Variants in SNTG2 observed in about 807,000 individuals in gnomAD.
SNTG2 encodes gamma-2-syntrophin.
A neutral mutation model predicts 70.9 loss-of-function variants in SNTG2; 74 were observed. The ratio of observed to expected loss-of-function variants is 1.04; its 90% CI spans 0.86 to 1.27. The LOEUF (loss-of-function observed/expected upper bound fraction) is 1.27, where lower values mean the gene tolerates loss of function less well. Among genes scored for constraint, SNTG2 ranks in the 50% most tolerant of loss-of-function variants. The pLI, the probability that SNTG2 is intolerant of heterozygous loss-of-function variation, is 0.00. For synonymous variants in SNTG2, 278 were observed against 273.8 expected, an observed-to-expected ratio of 1.02 and a Z score of -0.15; for missense variants, 717 against 690.7, an observed-to-expected ratio of 1.04 and a Z score of -0.43.
At chr2:962,167 C>T (rs2147946661) in intron 1 of SNTG2, among the ~76,000 whole-genome samples, 1 of 152,304 alleles carries the variant, frequency 6.6e-6, no homozygotes, top group East Asian at 1.9e-4. Context: ...CCAAACACCT[C>T]AGCTCAAGCA....
At chr2:1,011,680 C>CT (rs112242963) in intron 1 of SNTG2, among the ~76,000 whole-genome samples, 5 of 151,740 alleles carry the variant, frequency 3.3e-5, no homozygotes, top group South Asian at 2.1e-4. Flanking sequence ...TAATTGCAGG[C>CT]TTTTTTTGTT....
At chr2:1,149,630 T>C (rs1303015621) in intron 6 of SNTG2, among the ~76,000 whole-genome samples, 1 of 151,958 alleles carries the variant, frequency 6.6e-6, no homozygotes, top group African/African-American at 2.4e-5. Flanking sequence ...GGTGGTAACA[T>C]TATTCCTACC....
At chr2:1,077,835 C>G (rs1360008217) in intron 1 of SNTG2, among the ~76,000 whole-genome samples, 1 of 152,162 alleles carries the variant, frequency 6.6e-6, no homozygotes, top group African/African-American at 2.4e-5. Context: ...CTACATTGAG[C>G]AGTAGTCTGA....
At chr2:1,277,120 A>G (rs1679299628) in intron 14 of SNTG2, among the ~76,000 whole-genome samples, 1 of 152,200 alleles carries the variant, frequency 6.6e-6, no homozygotes, top group Non-Finnish European at 1.5e-5. Flanking sequence ...CTGAAATGAT[A>G]AAAAACATTT....
At position 1,323,759 on chromosome 2, in the gene SNTG2, A is replaced by G. The variant is rs185604521; in HGVS notation, c.1488+7384A>G. Among the ~76,000 whole-genome samples the G allele has an allele frequency of 1.7e-3, 258 of 151,286 alleles. 3 individuals are homozygous for G. Among genetic ancestry groups the G allele is most frequent in the African/African-American group, 6.0e-3 (248 of 41,092 alleles). ...CACCCAGTAGTGTGGGACATGGCTA[A>G]CAGTCACATGGCTGAGACCCCCTAG... On this transcript the variant is annotated intron_variant, in intron 16 of 16. Transcript: ENST00000308624.
chr2:1,358,855 A>C (rs962955857), intron 16 of SNTG2, among the ~76,000 whole-genome samples: 9 of 152,126 alleles, frequency 5.9e-5, no homozygotes, highest in African/African-American at 1.9e-4. Context: ...ATACCTGTTC[A>C]GTCTATAGTG....
At chr2:1,228,613 C>T (rs1053262873) in intron 9 of SNTG2, among the ~76,000 whole-genome samples, 16 of 152,184 alleles carry the variant, frequency 1.1e-4, no homozygotes, top group African/African-American at 3.9e-4. Context: ...GGACAGGAGC[C>T]GACTTTGGTG....
intron 12 of SNTG2, chr2:1,256,716 G>A (rs1246658368): frequency 6.6e-6 from 1 of 152,178 alleles, no homozygotes; most frequent in Non-Finnish European, 1.5e-5. Flanking sequence ...GTAGGGAGAG[G>A]AAGGATATCT....
intron 1 of SNTG2, among the ~76,000 whole-genome samples, chr2:1,068,937 T>C (rs1447280249): frequency 1.3e-5 from 2 of 152,252 alleles, no homozygotes; most frequent in Non-Finnish European, 2.9e-5. Flanking sequence ...ACTCATTGAC[T>C]AGAAATGCCA....
At chr2:1,187,193 A>G (rs531972311) in intron 8 of SNTG2, among the ~76,000 whole-genome samples, 2 of 152,326 alleles carry the variant, frequency 1.3e-5, no homozygotes, top group East Asian at 1.9e-4. Flanking sequence ...AGAAAGAACA[A>G]TGTATCCAAG....
At chr2:1,237,253 A>G (rs996285238) in intron 9 of SNTG2, among the ~76,000 whole-genome samples, 1 of 152,024 alleles carries the variant, frequency 6.6e-6, no homozygotes, top group East Asian at 1.9e-4. Context: ...AATATGCACT[A>G]TTTTCTTAAG....
chr2:1,007,192 G>T (rs1659598613), intron 1 of SNTG2, among the ~76,000 whole-genome samples: 1 of 152,074 alleles, frequency 6.6e-6, no homozygotes, highest in South Asian at 2.1e-4. Context: ...ATCCCCCACA[G>T]ATCCCAAAGG....
At chr2:1,103,478 C>T (rs1379037595) in intron 4 of SNTG2, 16 of 215,454 alleles carry the variant, frequency 7.4e-5, no homozygotes. Context: ...ACCTCCACCT[C>T]CCAGGTTCAA....
chr2:1,216,173 A>T (rs577679993), intron 9 of SNTG2, among the ~76,000 whole-genome samples: 93 of 152,358 alleles, frequency 6.1e-4, no homozygotes, highest in African/African-American at 2.0e-3. Flanking sequence ...TCCCACCAAC[A>T]GTGTAAAAAT....
intron 16 of SNTG2, among the ~76,000 whole-genome samples, chr2:1,329,706 T>C (rs1164049522): frequency 6.6e-6 from 1 of 152,206 alleles, no homozygotes; most frequent in African/African-American, 2.4e-5. Context: ...AAAAGTCCGA[T>C]TGACAAGAAG....
At chr2:1,338,005 A>G (rs181895934) in intron 16 of SNTG2, among the ~76,000 whole-genome samples, 77 of 152,286 alleles carry the variant, frequency 5.1e-4, no homozygotes, top group African/African-American at 1.8e-3. Flanking sequence ...TCACAGACTT[A>G]CATGGCACCA....
At chr2:1,067,251 A>G (rs1255409142) in intron 1 of SNTG2, among the ~76,000 whole-genome samples, 1 of 152,226 alleles carries the variant, frequency 6.6e-6, no homozygotes, top group Non-Finnish European at 1.5e-5. Flanking sequence ...AACTGCTATT[A>G]CTTTTGCACC....
At chr2:1,213,542 T>C (rs1478915727) in intron 9 of SNTG2, among the ~76,000 whole-genome samples, 1 of 152,236 alleles carries the variant, frequency 6.6e-6, no homozygotes. Flanking sequence ...ATTATTTCAT[T>C]CAGGGTTGGG....
chr2:1,320,809 C>A (rs1039698797), intron 16 of SNTG2, among the ~76,000 whole-genome samples: 2 of 152,106 alleles, frequency 1.3e-5, no homozygotes, highest in Non-Finnish European at 2.9e-5. Flanking sequence ...CATAGCTTGG[C>A]GCTCACTGCA....
Sources: gnomAD v4.1 joint callset for allele counts (sites outside exome capture counted in the v4.1 genomes callset) on GRCh38, gnomAD v4.1.1 for gene constraint, MANE v1.5 for transcripts, NCBI Gene and HGNC (gene_info 2026-07-23, HGNC 2026-07-21) for gene names.